Variants in FERMT2 observed in about 807,000 individuals in gnomAD.
FERMT2 encodes fermitin family homolog 2.
FERMT2 carries 15 observed loss-of-function variants against 82.7 expected under a neutral mutation model. The observed-to-expected ratio is 0.18, with a 90% CI of 0.12 to 0.28. The LOEUF (loss-of-function observed/expected upper bound fraction) is 0.28. Ranked by LOEUF, FERMT2 falls within the 10% of genes least tolerant of loss-of-function variation. The pLI is 1.00. For synonymous variants in FERMT2, 274 were observed against 271.5 expected, an observed-to-expected ratio of 1.01 and a Z score of -0.09; for missense variants, 645 against 809.4, an observed-to-expected ratio of 0.80 and a Z score of 2.46.
At chr14:52,910,358 C>T (rs11846477) in intron 3 of FERMT2, among the ~76,000 whole-genome samples, 9,349 of 152,104 alleles carry the variant, frequency 0.061, 854 homozygotes, top group African/African-American at 0.2. Context: ...ATTGATAACA[C>T]AGAATGGTAA....
intron 3 of FERMT2, among the ~76,000 whole-genome samples, chr14:52,896,241 AC>A (rs1195565849): frequency 6.6e-6 from 1 of 152,190 alleles, no homozygotes; most frequent in African/African-American, 2.4e-5. Context: ...GCAGCACTAT[AC>A]TATATGTCAG....
intron 12 of FERMT2, chr14:52,860,722 C>T (rs1884877449): frequency 3.6e-6 from 2 of 556,756 alleles, no homozygotes; most frequent in Non-Finnish European, 6.3e-6. Context: ...ACACTTGAGA[C>T]ATATTCCAAA....
At chr14:52,879,649 G>C (rs769766550) in intron 6 of FERMT2, among the ~76,000 whole-genome samples, 3 of 151,998 alleles carry the variant, frequency 2.0e-5, no homozygotes, top group Non-Finnish European at 2.9e-5. Context: ...TTTTATTATA[G>C]AGATTTTACT....
At chr14:52,897,890 C>T (rs757904139) in intron 3 of FERMT2, among the ~76,000 whole-genome samples, 8 of 148,086 alleles carry the variant, frequency 5.4e-5, no homozygotes, top group African/African-American at 1.7e-4. Context: ...GCAGGGGAAT[C>T]GCTTGAACCC....
chr14:52,927,621 A>AAAAAAAAAAAAAAAAAAAC (rs1321051698), intron 2 of FERMT2, among the ~76,000 whole-genome samples: 1 of 149,076 alleles, frequency 6.7e-6, no homozygotes, highest in African/African-American at 2.5e-5. Context: ...AAAAAAAAAA[A>AAAAAAAAAAAAAAAAAAAC]AATCCAGGCA....
At chr14:52,865,655 CAT>C (rs1251254162) in intron 10 of FERMT2, among the ~76,000 whole-genome samples, 1 of 152,148 alleles carries the variant, frequency 6.6e-6, no homozygotes, top group Non-Finnish European at 1.5e-5. Flanking sequence ...AGCACAATGT[CAT>C]ATGATCATGC....
chr14:52,922,470 T>G (rs922096523), intron 2 of FERMT2, among the ~76,000 whole-genome samples: 3 of 84,616 alleles, frequency 3.5e-5, no homozygotes, highest in South Asian at 6.5e-4. Flanking sequence ...CTGAAAGGAA[T>G]GTTTATTAAA....
chr14:52,878,497 TG>T, intron 7 of FERMT2, 84 bp downstream of exon 7: 1 of 826,534 alleles, frequency 1.2e-6, no homozygotes, highest in Non-Finnish European at 2.0e-6. Flanking sequence ...GAAATGTTAC[TG>T]GAATTACTAT....
At chr14:52,945,053 A>G (rs1890267071) in intron 2 of FERMT2, among the ~76,000 whole-genome samples, 1 of 152,042 alleles carries the variant, frequency 6.6e-6, no homozygotes, top group Non-Finnish European at 1.5e-5. Context: ...GGTGCGTGCC[A>G]TCACGCCTGG....
chr14:52,910,763 C>G (rs183156723), intron 3 of FERMT2, among the ~76,000 whole-genome samples: 465 of 152,258 alleles, frequency 3.1e-3, no homozygotes, highest in African/African-American at 0.011. Flanking sequence ...TCTTGGATCA[C>G]TGTCCTTTTT....
intron 9 of FERMT2, among the ~76,000 whole-genome samples, 197 bp from the exon 10 acceptor site, chr14:52,873,120 A>G (rs950846108): frequency 1.3e-5 from 2 of 152,190 alleles, no homozygotes; most frequent in East Asian, 1.9e-4. Flanking sequence ...CTACTCTAGA[A>G]GATCCCACAA....
At chr14:52,877,456 C>T (rs1267278488) in intron 7 of FERMT2, among the ~76,000 whole-genome samples, 1 of 151,616 alleles carries the variant, frequency 6.6e-6, no homozygotes, top group African/African-American at 2.4e-5. Flanking sequence ...GCTCATTAAT[C>T]AAGTTCCTAG....
intron 3 of FERMT2, among the ~76,000 whole-genome samples, chr14:52,898,161 A>G (rs1887410874): frequency 6.6e-6 from 1 of 152,150 alleles, no homozygotes; most frequent in South Asian, 2.1e-4. Flanking sequence ...GTAGGTAAAT[A>G]TAACTGCTCT....
Position 52,937,005 on chromosome 14 carries a change from C to CA in FERMT2, c.157+13406dup, listed in dbSNP as rs1337692231. Among the ~76,000 whole-genome samples, 5 of 151,372 alleles carry CA rather than the reference C, an allele frequency of 3.3e-5. No individual in the cohort carries two copies. In the East Asian group the frequency reaches 9.8e-4, roughly 30 times the overall value. On this transcript the variant is annotated intron_variant, in intron 2 of 14. Coordinates refer to ENST00000341590, the MANE Select transcript of FERMT2 (RefSeq NM_006832.3). ...CCCCATCTCTACTAAAAAAAAAATACAAAAAAATTAGCCAGGCATGGTGGT... is the reference window on the plus strand; with the variant it reads ...CCCCATCTCTACTAAAAAAAAAATACAAAAAAAATTAGCCAGGCATGGTGGT...
intron 3 of FERMT2, 63 bp from the exon 4 acceptor site, chr14:52,893,490 A>G: frequency 8.0e-7 from 1 of 1,246,466 alleles, no homozygotes; most frequent in Non-Finnish European, 1.1e-6. Flanking sequence ...ACACTTAGTA[A>G]ATCTATTGTT....
At chr14:52,897,933 G>A (rs1407952137) in intron 3 of FERMT2, among the ~76,000 whole-genome samples, 1 of 125,684 alleles carries the variant, frequency 8.0e-6, no homozygotes, top group African/African-American at 2.9e-5. Flanking sequence ...CTAAGATCAT[G>A]CCATTGCACT....
chr14:52,942,306 C>CTTTTTTT (rs200747260), intron 2 of FERMT2, among the ~76,000 whole-genome samples: 4 of 138,786 alleles, frequency 2.9e-5, no homozygotes, highest in African/African-American at 5.3e-5. Flanking sequence ...TTTTCTTTTT[C>CTTTTTTT]TTTTTTTTTT....
chr14:52,859,377 C>T (rs1024962770), intron 14 of FERMT2, 196 bp downstream of exon 14: 2 of 486,364 alleles, frequency 4.1e-6, no homozygotes, highest in Admixed American at 4.0e-5. Flanking sequence ...GCAAATTATG[C>T]ACTTAGAATT....
chr14:52,927,592 T>TAAAAAAAAAAAAAAAAAAAAAAAAAA (rs71125150), intron 2 of FERMT2, among the ~76,000 whole-genome samples: 1 of 33,714 alleles, frequency 3.0e-5, no homozygotes, highest in Non-Finnish European at 5.1e-5. Context: ...CTCATCCCTA[T>TAAAAAAAAAAAAAAAAAAAAAAAAAA]AAAAAAAAAA....
Sources: gnomAD v4.1 joint callset for allele counts (sites outside exome capture counted in the v4.1 genomes callset) on GRCh38, gnomAD v4.1.1 for gene constraint, MANE v1.5 for transcripts, NCBI Gene and HGNC (gene_info 2026-07-23, HGNC 2026-07-21) for gene names.